GNPAT: variants seen among roughly 807,000 people sequenced by gnomAD.
GNPAT encodes the protein glyceronephosphate O-acyltransferase.
Under a neutral mutation model 78.4 loss-of-function variants are expected in GNPAT, and 30 were observed. The ratio of observed to expected loss-of-function variants is 0.38; its 90% confidence interval spans 0.29 to 0.52. The LOEUF is 0.52. Among genes scored for constraint, GNPAT ranks in the 20% least tolerant of loss-of-function variants. The probability of loss-of-function intolerance (pLI) is 0.84; values close to 1 mark genes in which losing one functional copy is unlikely to be tolerated. For synonymous variants in GNPAT, 271 were observed against 281.1 expected (o/e 0.96, Z 0.36); for missense variants, 714 against 812.2 (o/e 0.88, Z 1.47).
At chr1:231,271,092 G>C in intron 10 of GNPAT, 92 bp downstream of exon 10, 1 of 1,397,218 alleles carries the variant, frequency 7.2e-7, no homozygotes, top group Non-Finnish European at 1.0e-6. Context: ...GTAATGTTCA[G>C]CCTCACGCCG....
At chr1:231,243,470 C>T (rs1684669223) in intron 1 of GNPAT, among the ~76,000 whole-genome samples, 1 of 152,046 alleles carries the variant, frequency 6.6e-6, no homozygotes, top group Admixed American at 6.6e-5. Flanking sequence ...ATTTTAGGCA[C>T]ACGCCACCCC....
chr1:231,241,361 C>A lies in GNPAT; in HGVS notation c.-18C>A, dbSNP rs765206212. 1 of 1,604,676 alleles carries A rather than the reference C, an allele frequency of 6.2e-7. No individual in the cohort carries two copies. Among genetic ancestry groups the A allele is most frequent in the Non-Finnish European group, 8.5e-7 (1 of 1,171,350 alleles). On this transcript the variant is annotated 5_prime_UTR_variant, in exon 1 of 16. Transcript: ENST00000366647. ...TTAGCAAAGAATCCCAGACCCCGCC[C>A]GGGAAGGCAGCCGCACCATGGAGTC...
intron 3 of GNPAT, among the ~76,000 whole-genome samples, chr1:231,261,542 C>T (rs1423439273): frequency 6.6e-6 from 1 of 151,806 alleles, no homozygotes; most frequent in Non-Finnish European, 1.5e-5. Context: ...AGTTGGTTAT[C>T]GTTATGACTG....
At chr1:231,249,097 T>C (rs921445470) in intron 1 of GNPAT, among the ~76,000 whole-genome samples, 1 of 152,240 alleles carries the variant, frequency 6.6e-6, no homozygotes, top group Non-Finnish European at 1.5e-5. Flanking sequence ...TGGGAAGTTC[T>C]TGTTTTTAAG....
intron 1 of GNPAT, among the ~76,000 whole-genome samples, chr1:231,241,943 T>G (rs1684623890): frequency 6.6e-6 from 1 of 152,256 alleles, no homozygotes; most frequent in Non-Finnish European, 1.5e-5. Flanking sequence ...TTTAAACACT[T>G]CAGGAAAATT....
Position 231,273,855 on chromosome 1 carries a change from C to T in GNPAT, c.1603-67C>T, listed in dbSNP as rs1685635089. On this transcript the variant is annotated intron_variant, in intron 11 of 15. Coordinates refer to ENST00000366647, the MANE Select transcript of GNPAT (RefSeq NM_014236.4). ...ATCCATTAACCTAGATGAGGGGGTA[C>T]ATGTATTCAGATGGGCACTATACCC... The T allele has an allele frequency of 1.1e-5, 14 of 1,239,324 alleles. No homozygotes were observed. The South Asian group carries it at 1.7e-4, about 15-fold the overall frequency. 76.8% of individuals were successfully genotyped at this position (1,239,324 alleles called of 1,614,324 possible).
At position 231,272,193 on chromosome 1, in the gene GNPAT, C is replaced by A. The variant is rs140526193; in HGVS notation, c.1523-119C>A. The A allele has an allele frequency of 1.0e-3, 687 of 683,912 alleles. 2 individuals carry two copies. The highest frequency in any genetic ancestry group is 3.0e-3 in the Admixed American group (168 of 55,816). 42.4% of individuals were successfully genotyped at this position (683,912 alleles called of 1,614,324 possible). A position where few individuals can be genotyped will look rare whatever the true frequency, so the allele number is the denominator to read the frequency against. On this transcript the variant is annotated intron_variant, in intron 10 of 15. Transcript: ENST00000366647. ...TTCCCTCAGGGGACTTAATTCTTGT[C>A]CCTGTTACATGAATAAAATATGCCT...
At chr1:231,275,134 G>A in intron 12 of GNPAT, 87 bp from the exon 13 acceptor site, 1 of 792,906 alleles carries the variant, frequency 1.3e-6, no homozygotes, top group Non-Finnish European at 2.2e-6. Flanking sequence ...TCTCTTAAGA[G>A]GGGCAATGTA....
At chr1:231,266,454 C>T in intron 8 of GNPAT, 47 bp downstream of exon 8, 1 of 1,553,118 alleles carries the variant, frequency 6.4e-7, no homozygotes, top group Non-Finnish European at 8.9e-7. Flanking sequence ...GGATTAAAAT[C>T]CAAAGGTGTG....
In GNPAT at chr1:231,270,770, C is replaced by G; in HGVS notation, c.1292C>G (p.Ala431Gly). 1 of 1,614,004 alleles carries G rather than the reference C, an allele frequency of 6.2e-7. No individual in the cohort carries two copies. The highest frequency in any genetic ancestry group is 1.3e-5 in the African/African-American group (1 of 75,016). ...TCTTTGTGTGTAGATAATAAACCTG[C>G]TGAAGAAGTTGTCCCGGCCAGCATT... Reference protein sequence around the residue: ...GFLIWPDNKPAEEVVPASILL... With the variant: ...GFLIWPDNKPGEEVVPASILL... The change falls in exon 10 of 16, where the codon GCT becomes GGT. Residue 431 changes from alanine (A) to glycine (G), a missense_variant. Transcript: ENST00000366647.
At chr1:231,268,604 A>G (rs1208999669) in intron 9 of GNPAT, among the ~76,000 whole-genome samples, 2 of 113,052 alleles carry the variant, frequency 1.8e-5, no homozygotes, top group South Asian at 3.3e-4. Flanking sequence ...GTGAGACCCC[A>G]TCTCCAAAAA....
intron 1 of GNPAT, among the ~76,000 whole-genome samples, chr1:231,248,282 GA>G: frequency 6.6e-6 from 1 of 152,280 alleles, no homozygotes; most frequent in African/African-American, 2.4e-5. Context: ...ATGTTACTAA[GA>G]AAATCATAAG....
chr1:231,277,519 A>C lies in GNPAT; in HGVS notation c.2020A>C (p.Lys674Gln), dbSNP rs551166488. 2.7e-5 allele frequency: 43 copies of C among 1,595,830 alleles called. No homozygotes were observed. In the East Asian group the frequency reaches 9.1e-4, roughly 34 times the overall value. ...CTTAGGTTGTAAGACACCAATAGGA[A>C]AACCAGCCACTGCAAAACTTTAATA... Reference protein sequence around the residue: ...EMLGCKTPIGKPATAKL With the variant: ...EMLGCKTPIGQPATAKL The change falls in exon 16 of 16, where the codon AAA (lysine) becomes CAA (glutamine). Residue 674 changes from lysine (K) to glutamine (Q), a missense_variant. Transcript: ENST00000366647.
chr1:231,256,278 G>A (rs1685056122), intron 2 of GNPAT, among the ~76,000 whole-genome samples: 2 of 152,070 alleles, frequency 1.3e-5, no homozygotes, highest in East Asian at 1.9e-4. Flanking sequence ...AGATGTATAA[G>A]TCAAACTCTT....
In GNPAT at chr1:231,271,133, T is replaced by A. The variant is rs1685553712; in HGVS notation, c.1522+133T>A. ...GAGCAGGCCTATCACTGAGAAAAAGTTAGCTTTGTTCCCCAAATACTTGTT... is the reference window on the plus strand; with the variant it reads ...GAGCAGGCCTATCACTGAGAAAAAGATAGCTTTGTTCCCCAAATACTTGTT... On this transcript the variant is annotated intron_variant, in intron 10 of 15. Transcript: ENST00000366647. The A allele has an allele frequency of 2.8e-6, 3 of 1,069,666 alleles. No homozygotes were observed. The Admixed American group carries it at 5.1e-5, about 18-fold the overall frequency. The allele number at this position is 1,069,666 out of a possible 1,614,324, so 66.3% of individuals were successfully genotyped here.
Position 231,241,297 on chromosome 1 carries a change from G to T in GNPAT, c.-82G>T, listed in dbSNP as rs748285545. 1.6e-4 allele frequency: 222 copies of T among 1,423,090 alleles called. No individual in the cohort carries two copies. The highest frequency in any genetic ancestry group is 2.1e-4 in the Non-Finnish European group (208 of 1,005,858). The allele number at this position is 1,423,090 out of a possible 1,614,324, so 88.2% of individuals were successfully genotyped here. A position where few individuals can be genotyped will look rare whatever the true frequency, so the allele number is the denominator to read the frequency against. ...GCCCTAGGCGAAGTAGGGCCGTCCT[G>T]AGCGAAAGAACCGCCCCCAGCAGGA... is the stretch of plus-strand genomic sequence containing the variant. On this transcript the variant is annotated 5_prime_UTR_variant, in exon 1 of 16. Coordinates refer to ENST00000366647, the MANE Select transcript of GNPAT (RefSeq NM_014236.4).
rs115576403 is a variant in GNPAT at position 231,250,852 on chromosome 1, A to G, written c.79-109A>G. 0.01 allele frequency: 7,595 copies of G among 744,188 alleles called. 68 individuals are homozygous for G. Among genetic ancestry groups the G allele is most frequent in the Non-Finnish European group, 0.012 (4,859 of 407,976 alleles). 46.1% of individuals were successfully genotyped at this position (744,188 alleles called of 1,614,324 possible). On this transcript the variant is annotated intron_variant, in intron 1 of 15. Coordinates refer to ENST00000366647, the MANE Select transcript of GNPAT (RefSeq NM_014236.4). ...ACATCAGAACACTCTGCTCCTGTTCACGTCATAGAGTAATATTTTGTCAAA... is the reference window on the plus strand; with the variant it reads ...ACATCAGAACACTCTGCTCCTGTTCGCGTCATAGAGTAATATTTTGTCAAA...
intron 1 of GNPAT, among the ~76,000 whole-genome samples, chr1:231,246,018 G>A (rs926878025): frequency 6.6e-6 from 1 of 152,106 alleles, no homozygotes; most frequent in African/African-American, 2.4e-5. Flanking sequence ...ATTAAATCCT[G>A]TTTTTAAAAA....
intron 2 of GNPAT, among the ~76,000 whole-genome samples, chr1:231,253,464 A>G (rs1429708424): frequency 6.6e-6 from 1 of 152,138 alleles, no homozygotes; most frequent in African/African-American, 2.4e-5. Flanking sequence ...GCCTGTAGAG[A>G]TCTTGCTTTT....
Sources: gnomAD v4.1 joint callset for allele counts (sites outside exome capture counted in the v4.1 genomes callset) on GRCh38, gnomAD v4.1.1 for gene constraint, MANE v1.5 for transcripts, NCBI Gene and HGNC (gene_info 2026-07-23, HGNC 2026-07-21) for gene names.